The following STXBP6 variants were observed in gnomAD, a reference collection of about 807,000 sequenced individuals.
The protein encoded by STXBP6 is syntaxin-binding protein 6.
A neutral mutation model predicts 26.9 loss-of-function variants in STXBP6; 21 were observed. The ratio of observed to expected loss-of-function variants is 0.78; its 90% CI spans 0.55 to 1.12. The LOEUF (loss-of-function observed/expected upper bound fraction) is 1.12. Among genes scored for constraint, STXBP6 ranks in the 50% most tolerant of loss-of-function variants. STXBP6 has a pLI of 0.00. For synonymous variants in STXBP6, 97 were observed against 92.6 expected, an observed-to-expected ratio of 1.05 and a Z score of -0.27; for missense variants, 232 against 257.9, an observed-to-expected ratio of 0.90 and a Z score of 0.69.
chr14:24,930,706 T>G (rs1023436124), intron 2 of STXBP6, among the ~76,000 whole-genome samples: 1 of 152,208 alleles, frequency 6.6e-6, no homozygotes, highest in Non-Finnish European at 1.5e-5. Flanking sequence ...AGACTTTGGT[T>G]CTTTTATAAG....
rs758847312 is a variant in STXBP6, at chr14:24,819,110, C to T, written c.536G>A (p.Arg179Gln). ...ASQALNERGE[R>Q]LGRAEEKTED... ...TGTCTTCTCCTCTGCTCGGCCTAAT[C>T]GCTCTCCACGCTCATTCAAGGCCTG... is the stretch of plus-strand genomic sequence containing the variant. Residue 179 changes from arginine (R) to glutamine (Q), a missense_variant, in exon 5 of 6, where the codon CGA becomes CAA. Coordinates refer to ENST00000323944, the MANE Select transcript of STXBP6 (RefSeq NM_001394410.1). 1.7e-5 allele frequency: 28 copies of T among 1,613,964 alleles called. No individual in the cohort carries two copies. The East Asian group carries it at 3.1e-4, about 18-fold the overall frequency.
intron 1 of STXBP6, among the ~76,000 whole-genome samples, chr14:25,002,083 A>G (rs2074773568): frequency 1.3e-5 from 2 of 152,180 alleles, no homozygotes; most frequent in Non-Finnish European, 1.5e-5. Flanking sequence ...AAGGGCATCA[A>G]TTTACGTATA....
chr14:24,965,319 A>C (rs1388846802), intron 2 of STXBP6, among the ~76,000 whole-genome samples: 2 of 122,786 alleles, frequency 1.6e-5, no homozygotes, highest in African/African-American at 6.9e-5. Flanking sequence ...TCATACATAC[A>C]TATTAACATG....
At chr14:25,018,313 C>T (rs866992353) in intron 1 of STXBP6, among the ~76,000 whole-genome samples, 47 of 152,142 alleles carry the variant, frequency 3.1e-4, no homozygotes, top group African/African-American at 1.0e-3. Context: ...CACTAGACCC[C>T]CCTAGTTCCC....
At chr14:24,886,125 T>C (rs2070576608) in intron 2 of STXBP6, among the ~76,000 whole-genome samples, 1 of 152,216 alleles carries the variant, frequency 6.6e-6, no homozygotes, top group Non-Finnish European at 1.5e-5. Context: ...ACACTTTCTG[T>C]ATATGACCTG....
intron 2 of STXBP6, among the ~76,000 whole-genome samples, chr14:24,862,278 G>A (rs1410233124): frequency 6.6e-6 from 1 of 152,168 alleles, no homozygotes; most frequent in Admixed American, 6.5e-5. Context: ...GATTACAGGT[G>A]TGAGCCACCA....
chr14:24,941,394 G>A (rs2072798396), intron 2 of STXBP6, among the ~76,000 whole-genome samples: 1 of 152,198 alleles, frequency 6.6e-6, no homozygotes, highest in Admixed American at 6.5e-5. Context: ...GCTGAGGATG[G>A]AAGGATTCAT....
At chr14:24,884,367 A>C (rs2070490068) in intron 2 of STXBP6, among the ~76,000 whole-genome samples, 1 of 152,228 alleles carries the variant, frequency 6.6e-6, no homozygotes, top group African/African-American at 2.4e-5. Flanking sequence ...CCTAATGGAA[A>C]TTCAGAAACA....
At chr14:25,030,206 G>C (rs2075426610) in intron 1 of STXBP6, among the ~76,000 whole-genome samples, 1 of 152,234 alleles carries the variant, frequency 6.6e-6, no homozygotes, top group South Asian at 2.1e-4. Flanking sequence ...ACAGGCTGGA[G>C]TAACAAAGGT....
At chr14:24,844,886 G>A (rs181093463) in intron 4 of STXBP6, among the ~76,000 whole-genome samples, 129 of 152,170 alleles carry the variant, frequency 8.5e-4, no homozygotes, top group Admixed American at 2.4e-3. Context: ...CTCTCAAGAG[G>A]TACACCACCA....
chr14:25,011,684 C>T (rs1292647952), intron 1 of STXBP6, among the ~76,000 whole-genome samples: 1 of 152,072 alleles, frequency 6.6e-6, no homozygotes, highest in Non-Finnish European at 1.5e-5. Context: ...AAATGAGAGT[C>T]CCAGGCTTAA....
chr14:24,867,625 A>G (rs1384452649), intron 2 of STXBP6, among the ~76,000 whole-genome samples: 2 of 152,170 alleles, frequency 1.3e-5, no homozygotes, highest in South Asian at 2.1e-4. Context: ...TTCAGTTTGT[A>G]TATACAAAGC....
At chr14:24,958,523 T>C (rs28440126) in intron 2 of STXBP6, among the ~76,000 whole-genome samples, 88,973 of 151,974 alleles carry the variant, frequency 0.59, 26,643 homozygotes, top group Middle Eastern at 0.71. Flanking sequence ...TGAAATATTA[T>C]GTAGAAAAAT....
intron 1 of STXBP6, among the ~76,000 whole-genome samples, chr14:25,045,202 G>A (rs17109537): frequency 0.17 from 25,181 of 151,988 alleles, 2,430 homozygotes; most frequent in African/African-American, 0.26. Context: ...TCTGGGAAAC[G>A]CTGACTTGAA....
intron 2 of STXBP6, among the ~76,000 whole-genome samples, chr14:24,882,514 A>G (rs936335923): frequency 4.0e-5 from 6 of 151,362 alleles, no homozygotes; most frequent in African/African-American, 1.5e-4. Flanking sequence ...TGGACCCAAC[A>G]GGAGATGAAT....
At chr14:24,902,351 G>T (rs932189657) in intron 2 of STXBP6, among the ~76,000 whole-genome samples, 30 of 152,128 alleles carry the variant, frequency 2.0e-4, no homozygotes, top group African/African-American at 7.0e-4. Context: ...ATAAGATACA[G>T]CAAAAGAAAA....
intron 1 of STXBP6, among the ~76,000 whole-genome samples, chr14:24,994,393 G>T (rs1484023755): frequency 6.6e-6 from 1 of 152,188 alleles, no homozygotes; most frequent in Non-Finnish European, 1.5e-5. Flanking sequence ...TCTAACTTTT[G>T]TTCTTGACAC....
chr14:24,882,775 A>G (rs981384743), intron 2 of STXBP6, among the ~76,000 whole-genome samples: 2 of 152,166 alleles, frequency 1.3e-5, no homozygotes, highest in African/African-American at 4.8e-5. Flanking sequence ...CCTCTCCACT[A>G]TAAGTTTATT....
chr14:25,002,024 C>T (rs528535628), intron 1 of STXBP6, among the ~76,000 whole-genome samples: 1 of 152,280 alleles, frequency 6.6e-6, no homozygotes, highest in African/African-American at 2.4e-5. Flanking sequence ...CTTGCAACAT[C>T]ACTTAAGCCA....
Sources: allele counts gnomAD v4.1 joint callset (sites outside exome capture counted in the v4.1 genomes callset), GRCh38; gene constraint gnomAD v4.1.1; transcripts MANE v1.5; gene names NCBI Gene and HGNC (gene_info 2026-07-23, HGNC 2026-07-21).